The following ZNF8 variants were observed in gnomAD, a reference collection of about 807,000 sequenced individuals.
The protein encoded by ZNF8 is zinc finger protein 272.
A neutral mutation model predicts 12.2 loss-of-function variants in ZNF8; 9 were observed. That is an observed-to-expected ratio of 0.73 (90% CI 0.44 to 1.28). ZNF8 has a LOEUF of 1.28. Among genes scored for constraint, ZNF8 ranks in the 50% most tolerant of loss-of-function variants. The pLI is 0.00. For synonymous variants in ZNF8, 274 were observed against 282.3 expected (o/e 0.97, Z 0.30); for missense variants, 664 against 729.1 (o/e 0.91, Z 1.03).
In ZNF8 at chr19:58,295,913, T is replaced by G. The variant is rs146357628; in HGVS notation, c.*377T>G. 117 of 187,018 alleles carry G rather than the reference T, an allele frequency of 6.3e-4. No homozygotes were observed. Among genetic ancestry groups the G allele is most frequent in the Non-Finnish European group, 1.1e-3 (96 of 89,902 alleles). The allele number at this position is 187,018 out of a possible 1,614,324, so 11.6% of individuals were successfully genotyped here. A position where few individuals can be genotyped will look rare whatever the true frequency, so the allele number is the denominator to read the frequency against. ...TACTGACTTGGTGCAGTATTTCTCCTTGTCACTGTGGGCCCAATTTTGCCA... is the reference window on the plus strand; with the variant it reads ...TACTGACTTGGTGCAGTATTTCTCCGTGTCACTGTGGGCCCAATTTTGCCA... On this transcript the variant is annotated 3_prime_UTR_variant, in exon 4 of 4. Coordinates refer to ENST00000621650, the MANE Select transcript of ZNF8 (RefSeq NM_021089.3).
At position 58,298,655 on chromosome 19, in the gene ZNF8, G is replaced by C. The variant is rs2051471888; in HGVS notation, c.*3119G>C. The C allele has an allele frequency of 6.6e-6, 1 of 152,076 alleles. No individual in the cohort carries two copies. The allele number at this position is 152,076 out of a possible 1,614,324, so 9.4% of individuals were successfully genotyped here. A position where few individuals can be genotyped will look rare whatever the true frequency, so the allele number is the denominator to read the frequency against. The stretch of plus-strand genomic sequence containing the variant: ...TCACTGAATTTCTGTGATGAAACGG[G>C]AAAAATTAATTTTGTTAAATCTCAA... On this transcript the variant is annotated 3_prime_UTR_variant, in exon 4 of 4. Transcript: ENST00000621650.
chr19:58,290,542 T>A (rs1206892330), intron 3 of ZNF8, among the ~76,000 whole-genome samples: 3 of 152,142 alleles, frequency 2.0e-5, no homozygotes, highest in Non-Finnish European at 2.9e-5. Context: ...AAATTTTTTT[T>A]TTATTATTTT....
rs749791544 is a variant in ZNF8 at position 58,295,427 on chromosome 19, T to C, written c.1619T>C (p.Leu540Ser). ...AGQPESRALA[L>S]FDIQKIMQEK... Reference sequence around the variant, plus strand: ...CAGCCGGAAAGCAGAGCCCTGGCTTTGTTTGACATCCAAAAAATCATGCAA... The same window carrying C: ...CAGCCGGAAAGCAGAGCCCTGGCTTCGTTTGACATCCAAAAAATCATGCAA... Residue 540 changes from leucine (L) to serine (S), a missense_variant, in exon 4 of 4, where the codon TTG becomes TCG. By Grantham distance (145) the Leu-to-Ser change is moderately radical. Around this residue, in one of 3 missense-constraint regions of ZNF8, gnomAD observed 225 missense variants for 222.0 expected, o/e 1.01. Coordinates refer to ENST00000621650, the MANE Select transcript of ZNF8 (RefSeq NM_021089.3). 1.9e-5 allele frequency: 31 copies of C among 1,613,916 alleles called. No homozygotes were observed. The highest frequency in any genetic ancestry group is 2.5e-5 in the Non-Finnish European group (29 of 1,180,032).
chr19:58,286,520 A>G (rs1228624210), intron 3 of ZNF8: 1 of 257,182 alleles, frequency 3.9e-6, no homozygotes, highest in East Asian at 8.7e-5. Flanking sequence ...TCTACCAGGG[A>G]ATCTTGTTAA....
chr19:58,284,764 A>C (rs1428142139), intron 1 of ZNF8, among the ~76,000 whole-genome samples: 1 of 152,094 alleles, frequency 6.6e-6, no homozygotes, highest in Non-Finnish European at 1.5e-5. Flanking sequence ...CAGGAGAATC[A>C]CTTGAACCTG....
At chr19:58,289,215 G>A (rs1262429811) in intron 3 of ZNF8, among the ~76,000 whole-genome samples, 1 of 152,178 alleles carries the variant, frequency 6.6e-6, no homozygotes, top group Non-Finnish European at 1.5e-5. Flanking sequence ...CACCGATTTG[G>A]CTGGACGCAG....
chr19:58,298,832 TTTC>T lies in ZNF8; in HGVS notation c.*3299_*3301del, dbSNP rs1255520153. On this transcript the variant is annotated 3_prime_UTR_variant, in exon 4 of 4. Coordinates refer to ENST00000621650, the MANE Select transcript of ZNF8 (RefSeq NM_021089.3). The stretch of plus-strand genomic sequence containing the variant: ...CCACACAGTGCATTTGGTTGGAATT[TTTC>T]TTTTTTCTTTTTCTTTTTTTTTTTT... 1 of 130,256 alleles carries T rather than the reference TTTC, an allele frequency of 7.7e-6. No individual in the cohort carries two copies. The highest frequency in any genetic ancestry group is 3.2e-5 in the African/African-American group (1 of 30,904). 8.1% of individuals were successfully genotyped at this position (130,256 alleles called of 1,614,324 possible). A position where few individuals can be genotyped will look rare whatever the true frequency, so the allele number is the denominator to read the frequency against.
chr19:58,299,758 G>A lies in ZNF8; in HGVS notation c.*4222G>A, dbSNP rs1282237633. 1 of 152,092 alleles carries A rather than the reference G, an allele frequency of 6.6e-6. No homozygotes were observed. The highest frequency in any genetic ancestry group is 1.5e-5 in the Non-Finnish European group (1 of 68,040). 9.4% of individuals were successfully genotyped at this position (152,092 alleles called of 1,614,324 possible). On this transcript the variant is annotated 3_prime_UTR_variant, in exon 4 of 4. Transcript: ENST00000621650. ...CACTCCAGCCTGGGTGACAGAGCTAGACTCCATCTCGAAAAAAATAAAAGA... is the reference window on the plus strand; with the variant it reads ...CACTCCAGCCTGGGTGACAGAGCTAAACTCCATCTCGAAAAAAATAAAAGA...
At chr19:58,292,996 G>A (rs1027525067) in intron 3 of ZNF8, among the ~76,000 whole-genome samples, 5 of 151,576 alleles carry the variant, frequency 3.3e-5, no homozygotes, top group African/African-American at 4.9e-5. Context: ...TCGCCGAGGC[G>A]GGAGTGCAGT....
At chr19:58,285,696 A>C in intron 1 of ZNF8, 21 bp from the exon 2 acceptor site, 1 of 1,614,094 alleles carries the variant, frequency 6.2e-7, no homozygotes, top group Non-Finnish European at 8.5e-7. Flanking sequence ...CAGCTGATTG[A>C]GAATGTGTGT....
Position 58,299,339 on chromosome 19 carries a change from C to G in ZNF8, c.*3803C>G, listed in dbSNP as rs1326614238. The G allele has an allele frequency of 6.6e-6, 1 of 150,596 alleles. No individual in the cohort carries two copies. Among genetic ancestry groups the G allele is most frequent in the Admixed American group, 6.6e-5 (1 of 15,130 alleles). The allele number at this position is 150,596 out of a possible 1,614,324, so 9.3% of individuals were successfully genotyped here. ...CTGTTAGCCAGGATGGTCTCAATCT[C>G]CTGACCTCGTGATCCACCTGCCTCG... On this transcript the variant is annotated 3_prime_UTR_variant, in exon 4 of 4. Transcript: ENST00000621650.
At position 58,294,931 on chromosome 19, in the gene ZNF8, G is replaced by A; in HGVS notation, c.1123G>A (p.Gly375Arg). ...GEKPYTCSVC[G>R]KSFSRTTCLF... ...GAAGCCATACACCTGCAGTGTGTGT[G>A]GGAAATCCTTCTCTCGGACCACTTG... The change falls in exon 4 of 4, where the codon GGG becomes AGG. Residue 375 changes from glycine to arginine, a missense_variant. This residue lies in a region of ZNF8 where 133 missense variants were observed against 198.4 expected (regional missense o/e 0.67). Transcript: ENST00000621650. The surrounding 1 kb of genome is among the most constrained non-coding windows in gnomAD (Gnocchi z 5.5). The A allele has an allele frequency of 6.2e-7, 1 of 1,614,166 alleles. No homozygotes were observed. Among genetic ancestry groups the A allele is most frequent in the South Asian group, 1.1e-5 (1 of 91,088 alleles).
chr19:58,301,813 T>A lies in ZNF8; in HGVS notation c.*6277T>A, dbSNP rs1327410688. The A allele has an allele frequency of 6.6e-6, 1 of 152,204 alleles. No homozygotes were observed. Among genetic ancestry groups the A allele is most frequent in the Non-Finnish European group, 1.5e-5 (1 of 68,044 alleles). 9.4% of individuals were successfully genotyped at this position (152,204 alleles called of 1,614,324 possible). A position where few individuals can be genotyped will look rare whatever the true frequency, so the allele number is the denominator to read the frequency against. ...CTTATACATCTTCTATGAAGGGCAG[T>A]TTATCAGTCACTAAATTACAAATAC... On this transcript the variant is annotated 3_prime_UTR_variant, in exon 4 of 4. Transcript: ENST00000621650.
At chr19:58,288,961 G>A (rs943734001) in intron 3 of ZNF8, among the ~76,000 whole-genome samples, 4 of 152,082 alleles carry the variant, frequency 2.6e-5, no homozygotes, top group African/African-American at 9.7e-5. Flanking sequence ...ACCAAATCCA[G>A]GATCTAAAAC....
chr19:58,284,562 G>A (rs186379286), intron 1 of ZNF8, among the ~76,000 whole-genome samples: 3 of 152,158 alleles, frequency 2.0e-5, no homozygotes, highest in African/African-American at 7.2e-5. Context: ...AATTTTTCAC[G>A]TAAAGGCCAG....
intron 3 of ZNF8, among the ~76,000 whole-genome samples, chr19:58,291,388 C>T (rs1347459584): frequency 6.6e-6 from 1 of 152,254 alleles, no homozygotes; most frequent in African/African-American, 2.4e-5. Context: ...GTGCTCTTTG[C>T]TGTTCCTGGC....
rs1290383663 is a variant in ZNF8, at chr19:58,281,747, C to CCTGTA, written c.66+2603_66+2607dup. Among the ~76,000 whole-genome samples, 53 of 152,230 alleles carry CCTGTA rather than the reference C, an allele frequency of 3.5e-4. 1 individual carries two copies. The highest frequency in any genetic ancestry group is 1.3e-3 in the African/African-American group (52 of 41,522). ...TGTTTCCTATTAGAGCCACCTGCTA[C>CCTGTA]CTGTACTAAAATTTCTTTCTTATTT... On this transcript the variant is annotated intron_variant, in intron 1 of 3. Coordinates refer to ENST00000621650, the MANE Select transcript of ZNF8 (RefSeq NM_021089.3).
intron 3 of ZNF8, among the ~76,000 whole-genome samples, chr19:58,291,503 G>A (rs2051419375): frequency 1.3e-5 from 2 of 151,680 alleles, no homozygotes; most frequent in South Asian, 4.1e-4. Flanking sequence ...GTTGTCTTTA[G>A]TCTCTGTGTT....
In ZNF8 at chr19:58,283,433, A is replaced by G. The variant is rs528847178; in HGVS notation, c.67-2284A>G. Among the ~76,000 whole-genome samples, 6 of 152,116 alleles carry G rather than the reference A, an allele frequency of 3.9e-5. No individual in the cohort carries two copies. In the South Asian group the frequency reaches 8.3e-4, roughly 21 times the overall value. On this transcript the variant is annotated intron_variant, in intron 1 of 3. Transcript: ENST00000621650. ...AGGTTATCAGGATTGGACTCCCTTGATGGGACTAGTGGCTTTAGAAGGAGA... is the reference window on the plus strand; with the variant it reads ...AGGTTATCAGGATTGGACTCCCTTGGTGGGACTAGTGGCTTTAGAAGGAGA...
Sources: allele counts gnomAD v4.1 joint callset (sites outside exome capture counted in the v4.1 genomes callset), GRCh38; gene constraint gnomAD v4.1.1; regional missense constraint gnomAD v4.1.1; non-coding constraint Gnocchi (gnomAD v3.1); transcripts MANE v1.5; gene names NCBI Gene and HGNC (gene_info 2026-07-23, HGNC 2026-07-21).